The following GNB4 variants were observed in gnomAD, a reference collection of about 807,000 sequenced individuals.
GNB4 encodes guanine nucleotide-binding protein subunit beta-4.
In GNB4, 28 loss-of-function variants were observed where a neutral mutation model predicts 45.2. The ratio of observed to expected loss-of-function variants is 0.62; its 90% CI spans 0.46 to 0.85. GNB4 has a LOEUF of 0.85. Ranked by LOEUF, GNB4 falls within the 40% of genes least tolerant of loss-of-function variation. GNB4 has a pLI of 0.00. For missense variants in GNB4, 321 were observed against 425.4 expected (o/e 0.75, Z 2.16); for synonymous variants, 132 against 143.7 (o/e 0.92, Z 0.58).
chr3:179,464,483 C>G, the GNB4 span: 2 of 1,611,188 alleles, frequency 1.2e-6, no homozygotes, highest in Admixed American at 1.7e-5. Flanking sequence ...GGAAACTGGC[C>G]CAGCAGATCA....
the GNB4 span, among the ~76,000 whole-genome samples, chr3:179,488,365 A>AC: frequency 7.9e-5 from 12 of 151,996 alleles, no homozygotes; most frequent in Admixed American, 7.2e-4. Context: ...CATGTTTAGG[A>AC]CCCCCTTCAT....
chr3:179,494,219 ACTT>A, the GNB4 span, among the ~76,000 whole-genome samples: 1 of 152,032 alleles, frequency 6.6e-6, no homozygotes, highest in Non-Finnish European at 1.5e-5. Context: ...ACAATAAATC[ACTT>A]CTTCTGCTGT....
chr3:179,401,199 T>C lies in GNB4; in HGVS notation c.*14A>G. 6.4e-7 allele frequency: 1 copy of C among 1,570,160 alleles called. No homozygotes were observed. Among genetic ancestry groups the C allele is most frequent in the Non-Finnish European group, 8.8e-7 (1 of 1,142,580 alleles). ...TCCAGATATATCAATGGAGAACAAA[T>C]ATGTATGACACTGTTAATTCCAGAT... On this transcript the variant is annotated 3_prime_UTR_variant, in exon 10 of 10. Transcript: ENST00000232564.
chr3:179,490,970 A>G, the GNB4 span, among the ~76,000 whole-genome samples: 2 of 152,244 alleles, frequency 1.3e-5, no homozygotes, highest in African/African-American at 2.4e-5. Context: ...CAGCATTGGA[A>G]GAATAAGTAC....
the GNB4 span, among the ~76,000 whole-genome samples, chr3:179,511,011 G>GT: frequency 6.6e-6 from 1 of 152,156 alleles, no homozygotes; most frequent in Non-Finnish European, 1.5e-5. Context: ...CACCTACACA[G>GT]ATGCGTGATA....
the GNB4 span, among the ~76,000 whole-genome samples, chr3:179,494,726 G>A: frequency 1.6e-4 from 25 of 151,748 alleles, no homozygotes; most frequent in African/African-American, 5.6e-4. Flanking sequence ...TGGCTAACAC[G>A]GTGAAACCCC....
chr3:179,467,420 G>A, the GNB4 span, among the ~76,000 whole-genome samples: 2 of 152,172 alleles, frequency 1.3e-5, no homozygotes, highest in South Asian at 2.1e-4. Context: ...CCTTGGAAGG[G>A]AGTTCTGAGA....
chr3:179,494,553 A>C, the GNB4 span, among the ~76,000 whole-genome samples: 2 of 151,506 alleles, frequency 1.3e-5, no homozygotes, highest in African/African-American at 4.9e-5. Context: ...AGAAAGAGAG[A>C]GAGAGAAAGG....
intron 8 of GNB4, among the ~76,000 whole-genome samples, chr3:179,408,187 G>C (rs1362135532): frequency 6.6e-6 from 1 of 151,784 alleles, no homozygotes; most frequent in East Asian, 1.9e-4. Flanking sequence ...AAGAAAATAT[G>C]ACCTATAATT....
the GNB4 span, among the ~76,000 whole-genome samples, chr3:179,490,338 T>C: frequency 8.5e-5 from 13 of 152,162 alleles, no homozygotes; most frequent in Non-Finnish European, 1.6e-4. Context: ...GCTTCCTTCA[T>C]AGGATTTCAA....
chr3:179,472,980 A>G, the GNB4 span, among the ~76,000 whole-genome samples: 31 of 152,244 alleles, frequency 2.0e-4, no homozygotes, highest in East Asian at 1.7e-3. Context: ...TGGCTAACAC[A>G]GTGAAACCCC....
chr3:179,482,617 C>T, the GNB4 span, among the ~76,000 whole-genome samples: 205 of 152,292 alleles, frequency 1.3e-3, 1 homozygote, highest in African/African-American at 4.8e-3. Context: ...TCTACTAAGA[C>T]GCTAATTATT....
chr3:179,438,036 C>A (rs1715504425), intron 1 of GNB4: 1 of 151,992 alleles, frequency 6.6e-6, no homozygotes, highest in African/African-American at 2.4e-5. Flanking sequence ...TGTGCCACTG[C>A]ACTCTAGCCT....
the GNB4 span, among the ~76,000 whole-genome samples, chr3:179,506,108 C>T: frequency 4.6e-5 from 7 of 152,072 alleles, no homozygotes; most frequent in Admixed American, 6.5e-5. Flanking sequence ...TTTGGGAGGC[C>T]GAGGCAGGAG....
chr3:179,414,972 C>CA lies in GNB4; in HGVS notation c.342dup (p.Gly115TrpfsTer11). The CA allele has an allele frequency of 6.2e-7, 1 of 1,612,446 alleles. No individual in the cohort carries two copies. The highest frequency in any genetic ancestry group is 1.3e-5 in the African/African-American group (1 of 75,000). On this transcript the variant is annotated frameshift_variant, in exon 6 of 10. Transcript: ENST00000232564. LOFTEE classifies it high-confidence loss of function. ...ATAGAGCAGATGTTGTCCAAGCCTC[C>CA]ACAGGCAACATAATTACCAGAGGGA...
chr3:179,489,146 A>G, the GNB4 span, among the ~76,000 whole-genome samples: 2 of 148,874 alleles, frequency 1.3e-5, no homozygotes, highest in Admixed American at 6.8e-5. Context: ...TAAAACTTTT[A>G]TAAATACCAT....
chr3:179,438,182 C>A lies in GNB4; in HGVS notation c.-42-11940G>T, dbSNP rs564741701. On this transcript the variant is annotated intron_variant, in intron 1 of 9. Transcript: ENST00000232564. ...TGAGCATTTATTACGTGTATGTACA[C>A]AACTCTGTGTAGTAACTCTTTATTT... 3.3e-5 allele frequency among the ~76,000 whole-genome samples: 5 copies of A among 152,318 alleles called. No individual in the cohort carries two copies. The East Asian group carries it at 9.6e-4, about 29-fold the overall frequency.
chr3:179,508,911 A>G, the GNB4 span, among the ~76,000 whole-genome samples: 1 of 101,710 alleles, frequency 9.8e-6, no homozygotes, highest in Admixed American at 1.1e-4. Context: ...GTTGGGAATC[A>G]AAACCTCTCT....
In GNB4 at chr3:179,420,938, A is replaced by C. The variant is rs1290429973; in HGVS notation, c.58-11T>G. On this transcript the variant is annotated splice_polypyrimidine_tract_variant and intron_variant, in intron 2 of 9. Transcript: ENST00000232564. ...TGCTTTCCGAGCATCCTGAAGTAAA[A>C]AAATATGATTATAATGCATTTAGCA... is the stretch of plus-strand genomic sequence containing the variant. The C allele has an allele frequency of 1.3e-6, 2 of 1,537,610 alleles. No homozygotes were observed. The highest frequency in any genetic ancestry group is 9.0e-7 in the Non-Finnish European group (1 of 1,114,412).
Sources: allele counts gnomAD v4.1 joint callset (sites outside exome capture counted in the v4.1 genomes callset), GRCh38; gene constraint gnomAD v4.1.1; transcripts MANE v1.5; gene names NCBI Gene and HGNC (gene_info 2026-07-23, HGNC 2026-07-21).